Variants in IGLL5 observed in about 807,000 individuals in gnomAD.
IGLL5 encodes the protein immunoglobulin lambda-like polypeptide 5.
A neutral mutation model predicts 20.9 loss-of-function variants in IGLL5; 30 were observed. That is an observed-to-expected ratio of 1.44 (90% CI 1.07 to 1.95). IGLL5 has a LOEUF of 1.95. Ranked by LOEUF, IGLL5 falls within the 30% of genes most tolerant of loss-of-function variation. The pLI is 0.00. For synonymous variants in IGLL5, 203 were observed against 117.3 expected, an observed-to-expected ratio of 1.73 and a Z score of -4.72; for missense variants, 475 against 270.7, an observed-to-expected ratio of 1.75 and a Z score of -5.30.
intron 1 of IGLL5, among the ~76,000 whole-genome samples, chr22:22,889,622 C>G (rs2067740042): frequency 6.6e-6 from 1 of 151,224 alleles, no homozygotes; most frequent in Admixed American, 6.6e-5. Context: ...CAGTCTTGAT[C>G]TGTTGCTCAG....
chr22:22,888,660 T>C (rs186974343), intron 1 of IGLL5, among the ~76,000 whole-genome samples: 4 of 151,292 alleles, frequency 2.6e-5, no homozygotes, highest in South Asian at 4.2e-4. Context: ...ATGTGCCTCC[T>C]GCCCAGTGAG....
rs551962377 is a variant in IGLL5 at position 22,888,131 on chromosome 22, G to T, written c.78G>T (p.Leu26=). 1.9e-6 allele frequency: 3 copies of T among 1,548,434 alleles called. No homozygotes were observed. Among genetic ancestry groups the T allele is most frequent in the Admixed American group, 2.0e-5 (1 of 50,820 alleles). Residue 26 remains leucine, a synonymous_variant, in exon 1 of 3, where the codon CTG becomes CTT. Coordinates refer to ENST00000526893, the MANE Select transcript of IGLL5 (RefSeq NM_001178126.2). ...LGPGPRQRWP[L]LLLGLAMVAH... is the part of the protein sequence containing the mutation. The stretch of plus-strand genomic sequence containing the variant: ...CTGGTCCCAGGCAGCGCTGGCCCCT[G>T]CTGCTGCTGGGTCTGGCCATGGTCG...
chr22:22,891,584 T>C, intron 1 of IGLL5, among the ~76,000 whole-genome samples: 1 of 151,380 alleles, frequency 6.6e-6, no homozygotes. Context: ...TGTTATGTGG[T>C]AATATCACAG....
intron 1 of IGLL5, among the ~76,000 whole-genome samples, chr22:22,889,475 C>G (rs2067723552): frequency 6.6e-6 from 1 of 151,130 alleles, no homozygotes; most frequent in East Asian, 2.0e-4. Context: ...AAGCTGTAAC[C>G]AAATCTTTAT....
At chr22:22,895,238 G>C in intron 2 of IGLL5, 137 bp from the exon 3 acceptor site, 2 of 781,376 alleles carry the variant, frequency 2.6e-6, no homozygotes, top group Non-Finnish European at 4.3e-6. Context: ...AAAGGATGGG[G>C]AAAGAAGAGG....
rs762383453 is a variant in IGLL5, at chr22:22,888,151, T to A, written c.98T>A (p.Met33Lys). The A allele has an allele frequency of 1.9e-6, 3 of 1,549,352 alleles. No individual in the cohort carries two copies. Among genetic ancestry groups the A allele is most frequent in the African/African-American group, 2.7e-5 (2 of 72,916 alleles). The change falls in exon 1 of 3, where the codon ATG becomes AAG. Residue 33 changes from methionine to lysine, a missense_variant. By Grantham distance (95) the Met-to-Lys change is moderately conservative. Coordinates refer to ENST00000526893, the MANE Select transcript of IGLL5 (RefSeq NM_001178126.2). ...CCCCTGCTGCTGCTGGGTCTGGCCATGGTCGCCCATGGCCTGCTGCGCCCA... is the reference window on the plus strand; with the variant it reads ...CCCCTGCTGCTGCTGGGTCTGGCCAAGGTCGCCCATGGCCTGCTGCGCCCA... Reference protein sequence around the residue: ...RWPLLLLGLAMVAHGLLRPMV... With the variant: ...RWPLLLLGLAKVAHGLLRPMV...
rs151023331 is a variant in IGLL5, at chr22:22,888,708, G to C, written c.206+449G>C. 2.6e-5 allele frequency among the ~76,000 whole-genome samples: 4 copies of C among 151,338 alleles called. 1 individual carries two copies. Among genetic ancestry groups the C allele is most frequent in the East Asian group, 2.0e-4 (1 of 4,922 alleles). ...TCCCTGGAGAAGGCAGCAAGGGCTT[G>C]GTTTGGTCTCCCCCAAGGCTGTCTG... On this transcript the variant is annotated intron_variant, in intron 1 of 2. Transcript: ENST00000526893.
At chr22:22,890,174 AAAAG>A (rs1458750026) in intron 1 of IGLL5, among the ~76,000 whole-genome samples, 1 of 150,286 alleles carries the variant, frequency 6.7e-6, no homozygotes, top group African/African-American at 2.5e-5. Context: ...CCAAAAAAAA[AAAAG>A]ATTAAGCAGA....
Position 22,895,561 on chromosome 22 carries a change from A to C in IGLL5, c.512A>C (p.Asn171Thr). ...VETTKPSKQSNNKYAASSYLS... is the reference protein window; with the variant it reads ...VETTKPSKQSTNKYAASSYLS... ...ACCACCAAACCCTCCAAACAGAGCAACAACAAGTACGCGGCCAGCAGCTAC... is the reference window on the plus strand; with the variant it reads ...ACCACCAAACCCTCCAAACAGAGCACCAACAAGTACGCGGCCAGCAGCTAC... Residue 171 changes from asparagine (N) to threonine (T), a missense_variant, in exon 3 of 3, where the codon AAC becomes ACC. By Grantham distance (65) the Asn-to-Thr change is moderately conservative. Transcript: ENST00000526893. The C allele has an allele frequency of 1.2e-6, 2 of 1,613,016 alleles. No homozygotes were observed. The highest frequency in any genetic ancestry group is 1.7e-6 in the Non-Finnish European group (2 of 1,179,664).
intron 2 of IGLL5, among the ~76,000 whole-genome samples, chr22:22,894,129 C>T (rs1387207319): frequency 3.3e-5 from 5 of 151,460 alleles, no homozygotes; most frequent in East Asian, 4.0e-4. Flanking sequence ...AGGGGCCCTG[C>T]AGTGTCCTTA....
At chr22:22,891,858 C>A (rs530896773) in intron 1 of IGLL5, among the ~76,000 whole-genome samples, 27 of 151,304 alleles carry the variant, frequency 1.8e-4, no homozygotes, top group African/African-American at 6.5e-4. Context: ...TGTATCCAGA[C>A]ACTTTAACTC....
At chr22:22,894,121 G>A (rs1052990372) in intron 2 of IGLL5, among the ~76,000 whole-genome samples, 34 of 151,398 alleles carry the variant, frequency 2.2e-4, no homozygotes, top group African/African-American at 8.0e-4. Flanking sequence ...TTCTGATGAG[G>A]GGCCCTGCAG....
At position 22,893,205 on chromosome 22, in the gene IGLL5, T is replaced by G. The variant is rs114216764; in HGVS notation, c.207-495T>G. On this transcript the variant is annotated intron_variant, in intron 1 of 2. Transcript: ENST00000526893. Reference sequence around the variant, plus strand: ...ACAGATGAATAGCTGGATGGACAACTGGATGGATGGGTAGACAGAATGATC... The same window carrying G: ...ACAGATGAATAGCTGGATGGACAACGGGATGGATGGGTAGACAGAATGATC... Among the ~76,000 whole-genome samples the G allele has an allele frequency of 1.8e-3, 269 of 151,164 alleles. 3 individuals carry two copies. Among genetic ancestry groups the G allele is most frequent in the African/African-American group, 6.2e-3 (254 of 41,252 alleles).
At chr22:22,894,466 G>A (rs5759507) in intron 2 of IGLL5, among the ~76,000 whole-genome samples, 1 of 151,444 alleles carries the variant, frequency 6.6e-6, no homozygotes, top group East Asian at 2.0e-4. Flanking sequence ...ACAGTCACCA[G>A]AAAGGAGACA....
At chr22:22,888,865 G>T (rs757246200) in intron 1 of IGLL5, among the ~76,000 whole-genome samples, 1 of 151,422 alleles carries the variant, frequency 6.6e-6, no homozygotes, top group African/African-American at 2.4e-5. Context: ...AAGGGAGAGG[G>T]GATCTCCCTC....
chr22:22,890,457 A>C (rs2067800500), intron 1 of IGLL5, among the ~76,000 whole-genome samples: 1 of 150,128 alleles, frequency 6.7e-6, no homozygotes, highest in Non-Finnish European at 1.5e-5. Flanking sequence ...AACCACATTC[A>C]TTGCTTATAA....
rs2067554458 is a variant in IGLL5, at chr22:22,887,949, T to C, written c.-105T>C. 1.1e-6 allele frequency: 1 copy of C among 882,448 alleles called. No individual in the cohort carries two copies. The highest frequency in any genetic ancestry group is 2.0e-5 in the Admixed American group (1 of 49,850). 54.7% of individuals were successfully genotyped at this position (882,448 alleles called of 1,614,324 possible). A position where few individuals can be genotyped will look rare whatever the true frequency, so the allele number is the denominator to read the frequency against. ...CAGGGAGAGGACAGAGCCAATGGACTGGGGTGTACTGTAACAGCCCTGCTG... is the reference window on the plus strand; with the variant it reads ...CAGGGAGAGGACAGAGCCAATGGACCGGGGTGTACTGTAACAGCCCTGCTG... On this transcript the variant is annotated 5_prime_UTR_variant, in exon 1 of 3. Transcript: ENST00000526893.
chr22:22,894,611 A>T (rs181574262), intron 2 of IGLL5, among the ~76,000 whole-genome samples: 4 of 150,982 alleles, frequency 2.6e-5, no homozygotes, highest in South Asian at 4.2e-4. Context: ...AGGGGAGTGA[A>T]TGAGGGGTGC....
At chr22:22,893,896 T>G (rs533039237) in intron 2 of IGLL5, 78 bp downstream of exon 2, 10 of 985,864 alleles carry the variant, frequency 1.0e-5, no homozygotes, top group East Asian at 4.8e-5. Context: ...CTCTGGGGCT[T>G]CCTCCCCTCT....
Sources: allele counts gnomAD v4.1 joint callset (sites outside exome capture counted in the v4.1 genomes callset), GRCh38; gene constraint gnomAD v4.1.1; transcripts MANE v1.5; gene names NCBI Gene and HGNC (gene_info 2026-07-23, HGNC 2026-07-21).